ADGRL4: variants seen among roughly 807,000 people sequenced by gnomAD.
ADGRL4 encodes the protein adhesion G protein-coupled receptor L4.
ADGRL4 carries 90 observed loss-of-function variants against 74.8 expected under a neutral mutation model. The observed-to-expected ratio is 1.20, with a 90% CI of 1.02 to 1.43. The LOEUF (loss-of-function observed/expected upper bound fraction) is 1.43. ADGRL4 is among the 40% of genes most tolerant of loss of function. ADGRL4 has a pLI of 0.00. For synonymous variants in ADGRL4, 311 were observed against 279.2 expected (o/e 1.11, Z -1.14); for missense variants, 881 against 814.3 (o/e 1.08, Z -1.00).
chr1:78,963,133 G>A (rs556622407), intron 2 of ADGRL4, among the ~76,000 whole-genome samples: 2 of 152,236 alleles, frequency 1.3e-5, no homozygotes, highest in Admixed American at 1.3e-4. Flanking sequence ...ATAAATTCTT[G>A]TTCAATGAGG....
chr1:78,996,829 A>G (rs1650726593), intron 2 of ADGRL4, among the ~76,000 whole-genome samples: 1 of 152,208 alleles, frequency 6.6e-6, no homozygotes, highest in Non-Finnish European at 1.5e-5. Context: ...AGCAGGTGAA[A>G]AAATACTTTA....
At chr1:78,918,169 TTATATAATGATTA>T in intron 10 of ADGRL4, 119 bp from the exon 11 acceptor site, 1 of 720,904 alleles carries the variant, frequency 1.4e-6, no homozygotes, top group South Asian at 2.0e-5. Context: ...GTATGCCACT[TTATATAATGATTA>T]GTCATATTAA....
chr1:78,994,511 C>CA (rs2100737176), intron 2 of ADGRL4, among the ~76,000 whole-genome samples: 1 of 152,250 alleles, frequency 6.6e-6, no homozygotes, highest in East Asian at 1.9e-4. Context: ...CCATTCTCCT[C>CA]AAAAGGGTAG....
chr1:78,960,467 T>A (rs954147459), intron 2 of ADGRL4, among the ~76,000 whole-genome samples: 1 of 152,168 alleles, frequency 6.6e-6, no homozygotes, highest in African/African-American at 2.4e-5. Context: ...GACACTCTTA[T>A]TGAGTGACTT....
intron 2 of ADGRL4, among the ~76,000 whole-genome samples, chr1:78,953,063 T>C (rs534796131): frequency 1.2e-4 from 18 of 152,264 alleles, no homozygotes; most frequent in African/African-American, 4.3e-4. Context: ...ATACACATAT[T>C]AGAAAAACAA....
intron 12 of ADGRL4, among the ~76,000 whole-genome samples, chr1:78,911,545 A>G (rs1385636412): frequency 6.6e-6 from 1 of 151,816 alleles, no homozygotes; most frequent in African/African-American, 2.4e-5. Context: ...AGACACACGT[A>G]TAATAATCAT....
rs1481419109 is a variant in ADGRL4 at position 78,890,613 on chromosome 1, A to G, written c.*541T>C. ...CAAAATGGTAAAATGTGTTTCTTCAATTCTTTATTTTATGTCAACAATTTC... is the reference window on the plus strand; with the variant it reads ...CAAAATGGTAAAATGTGTTTCTTCAGTTCTTTATTTTATGTCAACAATTTC... On this transcript the variant is annotated 3_prime_UTR_variant, in exon 15 of 15. Transcript: ENST00000370742. 6.6e-6 allele frequency: 1 copy of G among 152,144 alleles called. No individual in the cohort carries two copies. The highest frequency in any genetic ancestry group is 2.4e-5 in the African/African-American group (1 of 41,424). 9.4% of individuals were successfully genotyped at this position (152,144 alleles called of 1,614,324 possible).
intron 2 of ADGRL4, among the ~76,000 whole-genome samples, chr1:79,000,381 G>C (rs1477391051): frequency 6.6e-6 from 1 of 152,106 alleles, no homozygotes; most frequent in Non-Finnish European, 1.5e-5. Flanking sequence ...CTAAAACTTA[G>C]TCTGTAAAGC....
At chr1:78,923,161 A>G (rs886893635) in intron 8 of ADGRL4, among the ~76,000 whole-genome samples, 1 of 151,934 alleles carries the variant, frequency 6.6e-6, no homozygotes, top group African/African-American at 2.4e-5. Flanking sequence ...GAAGGGCCTA[A>G]TTCTAGAGAA....
At position 78,891,616 on chromosome 1, in the gene ADGRL4, G is replaced by A; in HGVS notation, c.1918C>T (p.His640Tyr). The change falls in exon 14 of 15, where the codon CAC becomes TAC. Residue 640 changes from histidine to tyrosine, a missense_variant. By Grantham distance (83) the His-to-Tyr change is moderately conservative. Transcript: ENST00000370742. ...TWIFGVLHVV[H>Y]ASVVTAYLFT... ...AGGTAAGCTGTAACCACTGATGCGT[G>A]CACAACATGGAGAACCCCAAAGATC... 2 of 1,613,452 alleles carry A rather than the reference G, an allele frequency of 1.2e-6. No individual in the cohort carries two copies. Among genetic ancestry groups the A allele is most frequent in the Non-Finnish European group, 8.5e-7 (1 of 1,179,684 alleles).
intron 2 of ADGRL4, among the ~76,000 whole-genome samples, chr1:78,960,416 T>C (rs1570255626): frequency 6.6e-6 from 1 of 152,218 alleles, no homozygotes; most frequent in East Asian, 1.9e-4. Context: ...AATTTGACAA[T>C]GAATCTGATT....
chr1:78,999,359 T>C (rs530177317), intron 2 of ADGRL4, among the ~76,000 whole-genome samples: 1 of 152,294 alleles, frequency 6.6e-6, no homozygotes, highest in African/African-American at 2.4e-5. Context: ...AGAATTTTCA[T>C]GGAAAAGCAG....
intron 8 of ADGRL4, among the ~76,000 whole-genome samples, chr1:78,924,929 AC>A (rs1649081701): frequency 6.6e-6 from 1 of 152,118 alleles, no homozygotes; most frequent in South Asian, 2.1e-4. Context: ...GATTACATCT[AC>A]TTTTTAGAAG....
chr1:78,930,886 T>C (rs540358250), intron 7 of ADGRL4, among the ~76,000 whole-genome samples: 2 of 151,598 alleles, frequency 1.3e-5, no homozygotes, highest in East Asian at 3.9e-4. Flanking sequence ...TATTTAATCA[T>C]TAATTTGCTT....
chr1:79,005,035 A>G (rs532497619), intron 2 of ADGRL4, 35 bp downstream of exon 2: 4 of 1,583,426 alleles, frequency 2.5e-6, no homozygotes, highest in East Asian at 2.3e-5. Flanking sequence ...TTAATCTTAC[A>G]GTATAATCCA....
Position 78,890,364 on chromosome 1 carries a change from C to T in ADGRL4, c.*790G>A, listed in dbSNP as rs887187994. 4.6e-5 allele frequency: 7 copies of T among 151,774 alleles called. No homozygotes were observed. The East Asian group carries it at 1.4e-3, about 29-fold the overall frequency. 9.4% of individuals were successfully genotyped at this position (151,774 alleles called of 1,614,324 possible). On this transcript the variant is annotated 3_prime_UTR_variant, in exon 15 of 15. Transcript: ENST00000370742. ...GTATAAACAATATTATATCTTGACA[C>T]ATTTATATTTTACTGATTAACTATC...
At chr1:78,923,349 A>T (rs895649035) in intron 8 of ADGRL4, among the ~76,000 whole-genome samples, 1 of 152,064 alleles carries the variant, frequency 6.6e-6, no homozygotes, top group Non-Finnish European at 1.5e-5. Context: ...GAAAGGAAAA[A>T]CATTTCTTCC....
intron 2 of ADGRL4, among the ~76,000 whole-genome samples, chr1:78,970,059 A>T (rs778814769): frequency 1.3e-5 from 2 of 152,200 alleles, no homozygotes; most frequent in Non-Finnish European, 2.9e-5. Context: ...TAGCAAGCGT[A>T]ACTGCAGCTA....
intron 6 of ADGRL4, 78 bp downstream of exon 6, chr1:78,937,729 C>A (rs1327397523): frequency 7.3e-6 from 10 of 1,362,978 alleles, no homozygotes; most frequent in African/African-American, 1.5e-5. Flanking sequence ...AACACCATGC[C>A]TCCTAACCCC....
Sources: allele counts gnomAD v4.1 joint callset (sites outside exome capture counted in the v4.1 genomes callset), GRCh38; gene constraint gnomAD v4.1.1; transcripts MANE v1.5; gene names NCBI Gene and HGNC (gene_info 2026-07-23, HGNC 2026-07-21).